CRADD: variants seen among roughly 807,000 people sequenced by gnomAD.
CRADD encodes CARD and death domain containing adaptor protein, also known as death domain-containing protein CRADD.
CRADD carries 9 observed loss-of-function variants against 15.5 expected under a neutral mutation model. The ratio of observed to expected loss-of-function variants is 0.58; its 90% confidence interval spans 0.35 to 1.01. The LOEUF (loss-of-function observed/expected upper bound fraction) is 1.01. Among genes scored for constraint, CRADD ranks in the 50% least tolerant of loss-of-function variants. The pLI is 0.02. For missense variants in CRADD, 227 were observed against 250.3 expected, an observed-to-expected ratio of 0.91 and a Z score of 0.63; for synonymous variants, 118 against 107.6, an observed-to-expected ratio of 1.10 and a Z score of -0.60.
intron 2 of CRADD, among the ~76,000 whole-genome samples, chr12:93,787,452 T>C (rs1306624969): frequency 6.6e-6 from 1 of 151,996 alleles, no homozygotes; most frequent in African/African-American, 2.4e-5. Flanking sequence ...AACTTTGAAA[T>C]AAGTGGTGCT....
rs536585262 is a variant in CRADD, at chr12:93,762,206, T to C, written c.298+83134T>C. Among the ~76,000 whole-genome samples the C allele has an allele frequency of 8.5e-5, 13 of 152,262 alleles. No homozygotes were observed. The South Asian group carries it at 1.0e-3, about 12-fold the overall frequency. On this transcript the variant is annotated intron_variant, in intron 2 of 2. Transcript: ENST00000332896. ...CTTCTAAATAAAGAAAACGGGCCGA[T>C]GTTGTGAGTAATTGCAGCTGCTACT...
intron 2 of CRADD, among the ~76,000 whole-genome samples, chr12:93,696,715 G>A (rs1408738224): frequency 6.7e-6 from 1 of 149,970 alleles, no homozygotes; most frequent in African/African-American, 2.5e-5. Flanking sequence ...TGTATCTATG[G>A]ATTCAACCAA....
chr12:93,859,196 AT>A (rs1446959211), intron 2 of CRADD: 11 of 410,312 alleles, frequency 2.7e-5, no homozygotes, highest in Non-Finnish European at 4.8e-5. Flanking sequence ...CTATATTTAT[AT>A]TTTTAGGGTT....
At position 93,861,663 on chromosome 12, in the gene CRADD, C is replaced by T. The variant is rs149735470; in HGVS notation, c.299-32387C>T. The stretch of plus-strand genomic sequence containing the variant: ...TCCGCTCAGGCCTTCCTTGTGACTA[C>T]GTCACAGCCCAGCTTCTTCCTTTCC... On this transcript the variant is annotated intron_variant, in intron 2 of 2. Transcript: ENST00000548483. Among the ~76,000 whole-genome samples, 75 of 152,288 alleles carry T rather than the reference C, an allele frequency of 4.9e-4. No homozygotes were observed. The East Asian group carries it at 0.01, about 21-fold the overall frequency.
chr12:93,727,659 T>C (rs1337767627), intron 2 of CRADD, among the ~76,000 whole-genome samples: 2 of 152,026 alleles, frequency 1.3e-5, no homozygotes, highest in Non-Finnish European at 2.9e-5. Flanking sequence ...AGCAGAGGCA[T>C]GTAAGGGAAA....
intron 2 of CRADD, among the ~76,000 whole-genome samples, chr12:93,863,840 A>G (rs758613577): frequency 1.3e-5 from 2 of 152,128 alleles, no homozygotes; most frequent in Non-Finnish European, 2.9e-5. Context: ...CTATGCCATT[A>G]TTAGTTTAAT....
chr12:93,721,460 C>CAT (rs77854530), intron 2 of CRADD, among the ~76,000 whole-genome samples: 9,820 of 152,046 alleles, frequency 0.065, 343 homozygotes, highest in Non-Finnish European at 0.073. Flanking sequence ...AACACACACA[C>CAT]ATATATATAT....
intron 2 of CRADD, among the ~76,000 whole-genome samples, chr12:93,773,530 A>T (rs937376872): frequency 6.6e-6 from 1 of 152,174 alleles, no homozygotes; most frequent in Admixed American, 6.5e-5. Flanking sequence ...AGTCTTGGGT[A>T]TGTCTGTATC....
At chr12:93,727,808 A>G (rs1384238823) in intron 2 of CRADD, among the ~76,000 whole-genome samples, 2 of 152,296 alleles carry the variant, frequency 1.3e-5, no homozygotes, top group East Asian at 3.9e-4. Context: ...TCAGCACTGT[A>G]TTGATGACGT....
chr12:93,799,118 CTG>C (rs1424279304), intron 2 of CRADD, among the ~76,000 whole-genome samples: 1 of 152,156 alleles, frequency 6.6e-6, no homozygotes, highest in Non-Finnish European at 1.5e-5. Flanking sequence ...GGGACTTGAA[CTG>C]TGTTATTCTT....
intron 2 of CRADD, among the ~76,000 whole-genome samples, chr12:93,890,589 G>A (rs1028053036): frequency 1.3e-5 from 2 of 152,186 alleles, no homozygotes; most frequent in African/African-American, 2.4e-5. Flanking sequence ...TCCCTGGGCA[G>A]GACTTGTGGG....
intron 2 of CRADD, among the ~76,000 whole-genome samples, chr12:93,879,677 T>A (rs11107231): frequency 0.2 from 29,939 of 152,082 alleles, 3,659 homozygotes; most frequent in Middle Eastern, 0.32. Flanking sequence ...GTGTCTTTCC[T>A]TAATTAACAG....
At chr12:93,810,629 T>A (rs1035792537) in intron 2 of CRADD, among the ~76,000 whole-genome samples, 8 of 139,934 alleles carry the variant, frequency 5.7e-5, no homozygotes, top group Admixed American at 2.9e-4. Flanking sequence ...CAGAATGCAG[T>A]ATGGCTGATG....
At chr12:93,767,717 C>T (rs1316004708) in intron 2 of CRADD, among the ~76,000 whole-genome samples, 2 of 152,216 alleles carry the variant, frequency 1.3e-5, no homozygotes, top group South Asian at 2.1e-4. Flanking sequence ...TCACATTTCA[C>T]ACCCTCTTAG....
At chr12:93,889,994 T>C (rs1012910356) in intron 2 of CRADD, among the ~76,000 whole-genome samples, 1 of 152,228 alleles carries the variant, frequency 6.6e-6, no homozygotes, top group Non-Finnish European at 1.5e-5. Flanking sequence ...CTGAGCCAGC[T>C]TCCTCTTCCT....
chr12:93,875,478 G>A (rs966319925), intron 2 of CRADD, among the ~76,000 whole-genome samples: 7 of 151,190 alleles, frequency 4.6e-5, no homozygotes, highest in Admixed American at 6.6e-5. Context: ...CTTCTCTTTC[G>A]TCTTTCTTTC....
chr12:93,811,301 G>T (rs1316050199), intron 2 of CRADD, among the ~76,000 whole-genome samples: 1 of 152,234 alleles, frequency 6.6e-6, no homozygotes, highest in Non-Finnish European at 1.5e-5. Context: ...CAGAACTGGG[G>T]CAGAGGAGGA....
chr12:93,820,328 T>C (rs1391625261), intron 2 of CRADD, among the ~76,000 whole-genome samples: 1 of 151,562 alleles, frequency 6.6e-6, no homozygotes, highest in Non-Finnish European at 1.5e-5. Context: ...CTCCCCAAGG[T>C]CAGGAGATAG....
chr12:93,809,470 C>A (rs1175918425), intron 2 of CRADD, among the ~76,000 whole-genome samples: 1 of 152,062 alleles, frequency 6.6e-6, no homozygotes, highest in Non-Finnish European at 1.5e-5. Flanking sequence ...TCATTTAAAC[C>A]CATTGGTCTC....
Sources: allele counts gnomAD v4.1 joint callset (sites outside exome capture counted in the v4.1 genomes callset), GRCh38; gene constraint gnomAD v4.1.1; transcripts MANE v1.5; gene names NCBI Gene and HGNC (gene_info 2026-07-23, HGNC 2026-07-21).